The following SDK1 variants were observed in gnomAD, a reference collection of about 807,000 sequenced individuals.
The protein encoded by SDK1 is sidekick cell adhesion molecule 1.
Under a neutral mutation model 245.5 loss-of-function variants are expected in SDK1, and 157 were observed. That is an observed-to-expected ratio of 0.64 (90% CI 0.56 to 0.73). The LOEUF (loss-of-function observed/expected upper bound fraction) is 0.73. Among genes scored for constraint, SDK1 ranks in the 30% least tolerant of loss-of-function variants. The probability of loss-of-function intolerance (pLI) is 0.00; values close to 1 mark genes in which losing one functional copy is unlikely to be tolerated. For missense variants in SDK1, 3,583 were observed against 3,002.3 expected (o/e 1.19, Z -4.52); for synonymous variants, 1,647 against 1,278.5 (o/e 1.29, Z -6.15).
chr7:3,753,226 A>T (rs1779824164), intron 4 of SDK1, among the ~76,000 whole-genome samples: 1 of 152,220 alleles, frequency 6.6e-6, no homozygotes, highest in Admixed American at 6.5e-5. Flanking sequence ...TATGGAAATA[A>T]AAATTATAAA....
At chr7:3,505,011 T>G (rs1782346404) in intron 1 of SDK1, among the ~76,000 whole-genome samples, 1 of 152,210 alleles carries the variant, frequency 6.6e-6, no homozygotes, top group African/African-American at 2.4e-5. Flanking sequence ...TGCCCAGTGG[T>G]GATACAACTC....
intron 1 of SDK1, among the ~76,000 whole-genome samples, chr7:3,369,106 G>A (rs1321346646): frequency 6.6e-6 from 1 of 151,894 alleles, no homozygotes; most frequent in South Asian, 2.1e-4. Context: ...GTGCAATGGT[G>A]TGATATTGGC....
intron 40 of SDK1, among the ~76,000 whole-genome samples, chr7:4,230,224 T>C (rs970916168): frequency 1.0e-4 from 15 of 148,060 alleles, no homozygotes; most frequent in African/African-American, 3.8e-4. Context: ...TGTGGATGGA[T>C]GGACGAATGG....
chr7:3,765,463 C>T (rs558687723), intron 4 of SDK1, among the ~76,000 whole-genome samples: 3 of 152,274 alleles, frequency 2.0e-5, no homozygotes, highest in Admixed American at 6.5e-5. Flanking sequence ...CTTGGCTCAA[C>T]GTTATGCTTG....
intron 5 of SDK1, among the ~76,000 whole-genome samples, chr7:3,841,364 C>T (rs1401366543): frequency 1.3e-5 from 2 of 152,156 alleles, no homozygotes; most frequent in Non-Finnish European, 2.9e-5. Context: ...TGAGTCAGTG[C>T]AAGCCCCGTT....
intron 17 of SDK1, among the ~76,000 whole-genome samples, chr7:4,035,243 T>G (rs764381443): frequency 2.6e-5 from 4 of 151,952 alleles, no homozygotes; most frequent in Non-Finnish European, 4.4e-5. Flanking sequence ...CCTTGGCCTC[T>G]CAAAGTGCTG....
chr7:4,180,681 G>A (rs1562399219), intron 35 of SDK1, among the ~76,000 whole-genome samples: 1 of 152,220 alleles, frequency 6.6e-6, no homozygotes, highest in African/African-American at 2.4e-5. Context: ...CAGGAAGCAT[G>A]GTGGTCTCTG....
At position 3,445,801 on chromosome 7, in the gene SDK1, CAAGAG is replaced by C. The variant is rs145800125; in HGVS notation, c.298+143922_298+143926del. ...GCCATCAAACATAATTTAGAAAACTCAAGAGAAGACAGTCTATTGTGTTTACCCAT... is the reference window on the plus strand; with the variant it reads ...GCCATCAAACATAATTTAGAAAACTCAAGACAGTCTATTGTGTTTACCCAT... On this transcript the variant is annotated intron_variant, in intron 1 of 44. Coordinates refer to ENST00000404826, the MANE Select transcript of SDK1 (RefSeq NM_152744.4). 4.1e-3 allele frequency among the ~76,000 whole-genome samples: 622 copies of C among 152,184 alleles called. 4 individuals are homozygous for C. Among genetic ancestry groups the C allele is most frequent in the African/African-American group, 0.014 (565 of 41,556 alleles).
intron 19 of SDK1, among the ~76,000 whole-genome samples, chr7:4,063,719 T>C (rs939687665): frequency 1.3e-5 from 2 of 151,982 alleles, no homozygotes; most frequent in African/African-American, 4.8e-5. Context: ...CTTTGAAATA[T>C]ATGACAAGTC....
chr7:3,386,478 A>T (rs1185041284), intron 1 of SDK1, among the ~76,000 whole-genome samples: 1 of 152,226 alleles, frequency 6.6e-6, no homozygotes, highest in Non-Finnish European at 1.5e-5. Flanking sequence ...GTTTAGAGTT[A>T]ACAGAGCTGT....
intron 5 of SDK1, among the ~76,000 whole-genome samples, chr7:3,832,040 G>C (rs1583459238): frequency 6.6e-6 from 1 of 152,120 alleles, no homozygotes; most frequent in Non-Finnish European, 1.5e-5. Flanking sequence ...AACACAGCAA[G>C]ACCCTGTCTC....
chr7:3,332,251 G>C (rs564377903), intron 1 of SDK1, among the ~76,000 whole-genome samples: 1 of 151,946 alleles, frequency 6.6e-6, no homozygotes. Context: ...TTTTATTCTC[G>C]ATGATTAATG....
intron 1 of SDK1, among the ~76,000 whole-genome samples, chr7:3,541,646 C>T (rs1207535605): frequency 2.0e-5 from 3 of 152,280 alleles, no homozygotes; most frequent in African/African-American, 7.2e-5. Flanking sequence ...TTTTCTCTTC[C>T]ACATGACTGT....
intron 1 of SDK1, among the ~76,000 whole-genome samples, chr7:3,540,959 C>G (rs1779036623): frequency 6.6e-6 from 1 of 152,118 alleles, no homozygotes; most frequent in Non-Finnish European, 1.5e-5. Context: ...AGATCCTATT[C>G]CAGGAAGTTT....
At chr7:4,180,454 G>A (rs62440600) in intron 35 of SDK1, among the ~76,000 whole-genome samples, 15,290 of 128,176 alleles carry the variant, frequency 0.12, 1,149 homozygotes, top group African/African-American at 0.24. Flanking sequence ...CCCAGCACCC[G>A]GCTCCAGCTC....
At chr7:3,316,932 C>T (rs1779678211) in intron 1 of SDK1, among the ~76,000 whole-genome samples, 3 of 151,896 alleles carry the variant, frequency 2.0e-5, no homozygotes, top group South Asian at 4.2e-4. Context: ...ATAATTTTGG[C>T]ATTTTGGGAG....
intron 1 of SDK1, among the ~76,000 whole-genome samples, chr7:3,565,456 G>A (rs1438444938): frequency 6.6e-6 from 1 of 152,194 alleles, no homozygotes; most frequent in Non-Finnish European, 1.5e-5. Context: ...TGCTATCCAG[G>A]AAGTAAAGCA....
At chr7:3,472,764 G>GT (rs1781223436) in intron 1 of SDK1, among the ~76,000 whole-genome samples, 1 of 152,208 alleles carries the variant, frequency 6.6e-6, no homozygotes, top group African/African-American at 2.4e-5. Context: ...ACGTCCTGGA[G>GT]TTTCAGGTCT....
intron 1 of SDK1, among the ~76,000 whole-genome samples, chr7:3,449,750 T>G (rs1780454112): frequency 6.6e-6 from 1 of 152,230 alleles, no homozygotes; most frequent in Non-Finnish European, 1.5e-5. Flanking sequence ...GTTTGTTCGT[T>G]CATTTCTTCA....
Sources: gnomAD v4.1 joint callset for allele counts (sites outside exome capture counted in the v4.1 genomes callset) on GRCh38, gnomAD v4.1.1 for gene constraint, MANE v1.5 for transcripts, NCBI Gene and HGNC (gene_info 2026-07-23, HGNC 2026-07-21) for gene names.